Variants in BABAM2 observed in about 807,000 individuals in gnomAD.
BABAM2 encodes BRISC and BRCA1 A complex member 2.
In BABAM2, 31 loss-of-function variants were observed where a neutral mutation model predicts 54.7. The observed-to-expected ratio is 0.57, with a 90% CI of 0.43 to 0.77. The LOEUF (loss-of-function observed/expected upper bound fraction) is 0.77, where lower values mean the gene tolerates loss of function less well. Among genes scored for constraint, BABAM2 ranks in the 30% least tolerant of loss-of-function variants. The probability of loss-of-function intolerance (pLI) is 0.00; values close to 1 mark genes in which losing one functional copy is unlikely to be tolerated. For missense variants in BABAM2, 364 were observed against 455.8 expected, an observed-to-expected ratio of 0.80 and a Z score of 1.83; for synonymous variants, 167 against 162.9, an observed-to-expected ratio of 1.03 and a Z score of -0.19.
chr2:28,109,273 C>A (rs963797601), intron 6 of BABAM2, among the ~76,000 whole-genome samples: 1 of 149,290 alleles, frequency 6.7e-6, no homozygotes, highest in Admixed American at 6.7e-5. Flanking sequence ...ACCGCAAGCT[C>A]CACCTCCTGG....
At chr2:28,250,372 T>C (rs1224872293) in intron 10 of BABAM2, among the ~76,000 whole-genome samples, 4 of 146,860 alleles carry the variant, frequency 2.7e-5, no homozygotes, top group African/African-American at 1.0e-4. Context: ...TTCTTAGCGG[T>C]TTATTCTAGA....
chr2:27,897,548 T>C (rs1665433255), intron 2 of BABAM2, among the ~76,000 whole-genome samples: 2 of 152,174 alleles, frequency 1.3e-5, no homozygotes, highest in Admixed American at 1.3e-4. Context: ...CTTTTTTTTT[T>C]TTCTTCTAAA....
intron 7 of BABAM2, among the ~76,000 whole-genome samples, chr2:28,187,221 A>T (rs1200294410): frequency 2.0e-5 from 3 of 152,156 alleles, no homozygotes; most frequent in Non-Finnish European, 4.4e-5. Flanking sequence ...TCTGCAACTC[A>T]GCCTGAATCT....
chr2:27,976,720 A>G (rs569733791), intron 3 of BABAM2, among the ~76,000 whole-genome samples: 11 of 152,208 alleles, frequency 7.2e-5, no homozygotes, highest in Non-Finnish European at 1.5e-4. Context: ...AAGTTAAAAA[A>G]TAGTTTATAA....
intron 11 of BABAM2, among the ~76,000 whole-genome samples, chr2:28,334,467 G>A (rs1362038910): frequency 6.6e-6 from 1 of 152,240 alleles, no homozygotes; most frequent in East Asian, 1.9e-4. Context: ...CTCTCCCCTT[G>A]ATGTTCGTAG....
intron 6 of BABAM2, among the ~76,000 whole-genome samples, chr2:28,052,041 G>C (rs1265634273): frequency 1.3e-5 from 2 of 152,142 alleles, no homozygotes; most frequent in African/African-American, 2.4e-5. Flanking sequence ...GAATTTGTGA[G>C]GATGATAGGG....
intron 7 of BABAM2, among the ~76,000 whole-genome samples, chr2:28,183,742 C>CACACACACACACAT (rs1553336512): frequency 6.7e-6 from 1 of 148,632 alleles, no homozygotes; most frequent in Non-Finnish European, 1.5e-5. Context: ...ATGAAGATCA[C>CACACACACACACAT]ACACACACAC....
At chr2:28,310,587 C>T in intron 11 of BABAM2, 1 of 155,900 alleles carries the variant, frequency 6.4e-6, no homozygotes, top group Non-Finnish European at 1.4e-5. Context: ...GATAGTCACA[C>T]AGAAAGAGTA....
chr2:27,931,075 C>CTG (rs1668058798), intron 3 of BABAM2, among the ~76,000 whole-genome samples: 3 of 152,110 alleles, frequency 2.0e-5, no homozygotes, highest in Middle Eastern at 3.2e-3. Flanking sequence ...TCACTTGATA[C>CTG]TAATTTATCA....
At chr2:28,186,552 G>T (rs764994752) in intron 7 of BABAM2, among the ~76,000 whole-genome samples, 12 of 151,970 alleles carry the variant, frequency 7.9e-5, no homozygotes, top group Admixed American at 2.6e-4. Flanking sequence ...CATTGCTTGA[G>T]CCCAGGAGTT....
intron 10 of BABAM2, among the ~76,000 whole-genome samples, chr2:28,286,222 G>C (rs191896274): frequency 2.6e-4 from 40 of 152,022 alleles, no homozygotes; most frequent in Non-Finnish European, 4.3e-4. Context: ...CCAAAGTGTT[G>C]GGATTACAGG....
At chr2:28,197,898 C>T (rs1005188553) in intron 7 of BABAM2, among the ~76,000 whole-genome samples, 3 of 152,176 alleles carry the variant, frequency 2.0e-5, no homozygotes, top group African/African-American at 4.8e-5. Flanking sequence ...AGACATCTAC[C>T]TAGCCACCAT....
At chr2:27,925,538 G>T (rs1667629605) in intron 2 of BABAM2, among the ~76,000 whole-genome samples, 1 of 152,096 alleles carries the variant, frequency 6.6e-6, no homozygotes, top group African/African-American at 2.4e-5. Flanking sequence ...CATCCCTGGG[G>T]GGTAAACACA....
chr2:28,081,152 C>G (rs1665134115), intron 6 of BABAM2, among the ~76,000 whole-genome samples: 1 of 152,148 alleles, frequency 6.6e-6, no homozygotes, highest in Non-Finnish European at 1.5e-5. Context: ...CGTAGTGCAG[C>G]CAGCCACATA....
intron 4 of BABAM2, among the ~76,000 whole-genome samples, chr2:28,019,447 T>G (rs992362652): frequency 2.0e-5 from 3 of 152,218 alleles, no homozygotes; most frequent in Admixed American, 1.3e-4. Context: ...GTGGGTTGTC[T>G]GTTTACTCTG....
intron 7 of BABAM2, among the ~76,000 whole-genome samples, chr2:28,199,287 T>C (rs1677990707): frequency 6.6e-6 from 1 of 152,246 alleles, no homozygotes; most frequent in African/African-American, 2.4e-5. Flanking sequence ...TACGTGCTTG[T>C]AACAAGTTGC....
intron 6 of BABAM2, among the ~76,000 whole-genome samples, chr2:28,076,753 G>A (rs541361312): frequency 5.3e-5 from 8 of 152,090 alleles, no homozygotes; most frequent in African/African-American, 1.4e-4. Context: ...TGATCCACCC[G>A]CTTCGGCCTC....
chr2:28,312,054 C>T (rs914815410), intron 11 of BABAM2, among the ~76,000 whole-genome samples: 4 of 152,154 alleles, frequency 2.6e-5, no homozygotes, highest in African/African-American at 7.2e-5. Flanking sequence ...TGACAGGTGC[C>T]GCCAGGGCTG....
chr2:28,134,927 CT>C (rs1271507514), intron 7 of BABAM2, among the ~76,000 whole-genome samples: 2 of 152,198 alleles, frequency 1.3e-5, no homozygotes, highest in African/African-American at 2.4e-5. Context: ...CAGAAGCCCC[CT>C]GTTCCTTCAC....
Sources: gnomAD v4.1 joint callset for allele counts (sites outside exome capture counted in the v4.1 genomes callset) on GRCh38, gnomAD v4.1.1 for gene constraint, MANE v1.5 for transcripts, NCBI Gene and HGNC (gene_info 2026-07-23, HGNC 2026-07-21) for gene names.